GAREM1: variants seen among roughly 807,000 people sequenced by gnomAD.
GAREM1 encodes the protein GRB2-associated and regulator of MAPK protein 1.
GAREM1 carries 26 observed loss-of-function variants against 71.3 expected under a neutral mutation model. The ratio of observed to expected loss-of-function variants is 0.36; its 90% CI spans 0.27 to 0.51. The LOEUF is 0.51. Among genes scored for constraint, GAREM1 ranks in the 20% least tolerant of loss-of-function variants. The probability of loss-of-function intolerance (pLI) is 0.95; values close to 1 mark genes in which losing one functional copy is unlikely to be tolerated. For synonymous variants in GAREM1, 440 were observed against 433.2 expected (o/e 1.02, Z -0.20); for missense variants, 1,026 against 1,103.1 (o/e 0.93, Z 0.99).
At chr18:32,336,505 T>C (rs1315112975) in intron 2 of GAREM1, among the ~76,000 whole-genome samples, 3 of 152,066 alleles carry the variant, frequency 2.0e-5, no homozygotes, top group Non-Finnish European at 2.9e-5. Flanking sequence ...ACTGGTGCTC[T>C]ATAAGTACTT....
chr18:32,465,794 A>G (rs1489672546), intron 1 of GAREM1, among the ~76,000 whole-genome samples: 2 of 152,224 alleles, frequency 1.3e-5, no homozygotes, highest in Admixed American at 6.5e-5. Context: ...TTTAAAAATT[A>G]ATGGGCTTGG....
At chr18:32,384,939 C>T (rs1435914093) in intron 2 of GAREM1, among the ~76,000 whole-genome samples, 1 of 152,094 alleles carries the variant, frequency 6.6e-6, no homozygotes, top group African/African-American at 2.4e-5. Flanking sequence ...AACTATGTTA[C>T]AGCAGCTATG....
intron 2 of GAREM1, among the ~76,000 whole-genome samples, chr18:32,370,615 A>G (rs1308800353): frequency 2.6e-5 from 4 of 152,178 alleles, no homozygotes; most frequent in African/African-American, 7.2e-5. Flanking sequence ...GGTGCATAAA[A>G]CAAGAGAAGT....
intron 2 of GAREM1, among the ~76,000 whole-genome samples, chr18:32,369,924 T>C (rs1296904846): frequency 1.3e-5 from 2 of 152,206 alleles, no homozygotes; most frequent in Non-Finnish European, 2.9e-5. Context: ...CTTCATTTTC[T>C]TCAACTGTGA....
At chr18:32,317,080 T>C (rs1353391766) in intron 2 of GAREM1, among the ~76,000 whole-genome samples, 1 of 152,036 alleles carries the variant, frequency 6.6e-6, no homozygotes, top group East Asian at 1.9e-4. Flanking sequence ...GTGGAAAGTA[T>C]AGGTCAGGGC....
At chr18:32,368,653 A>T (rs11663076) in intron 2 of GAREM1, among the ~76,000 whole-genome samples, 22,082 of 152,180 alleles carry the variant, frequency 0.15, 2,467 homozygotes, top group African/African-American at 0.31. Flanking sequence ...ACCAAGTGGC[A>T]AAATTATTAA....
At chr18:32,375,680 T>A (rs182411516) in intron 2 of GAREM1, among the ~76,000 whole-genome samples, 1 of 152,168 alleles carries the variant, frequency 6.6e-6, no homozygotes, top group Non-Finnish European at 1.5e-5. Flanking sequence ...TCAAAGGAAG[T>A]TAAGAAGCAG....
chr18:32,354,576 CT>C (rs2047786534), intron 2 of GAREM1, among the ~76,000 whole-genome samples: 1 of 152,180 alleles, frequency 6.6e-6, no homozygotes, highest in Non-Finnish European at 1.5e-5. Flanking sequence ...TACAATCCCC[CT>C]CTCTAAAACT....
chr18:32,415,071 G>A (rs2048454866), intron 1 of GAREM1, among the ~76,000 whole-genome samples: 1 of 152,000 alleles, frequency 6.6e-6, no homozygotes, highest in Non-Finnish European at 1.5e-5. Context: ...TGGCTACTAT[G>A]AGCAACTTAT....
At chr18:32,296,333 T>C (rs1222612560) in intron 3 of GAREM1, among the ~76,000 whole-genome samples, 1 of 152,244 alleles carries the variant, frequency 6.6e-6, no homozygotes, top group Non-Finnish European at 1.5e-5. Context: ...CTGTATACTC[T>C]TTACCTAGCT....
chr18:32,410,661 T>G (rs188668400), intron 1 of GAREM1, among the ~76,000 whole-genome samples: 7 of 152,330 alleles, frequency 4.6e-5, no homozygotes, highest in African/African-American at 1.7e-4. Flanking sequence ...AAATAACTTC[T>G]TGAGCCTCAG....
chr18:32,376,728 C>T (rs1360854830), intron 2 of GAREM1, among the ~76,000 whole-genome samples: 3 of 152,152 alleles, frequency 2.0e-5, no homozygotes, highest in African/African-American at 7.2e-5. Flanking sequence ...ATCCCAGCTA[C>T]TTGGGAGGGT....
At chr18:32,378,057 T>TGTGTGTGTGTGTGTGTGC (rs1293817110) in intron 2 of GAREM1, among the ~76,000 whole-genome samples, 51 of 127,606 alleles carry the variant, frequency 4.0e-4, no homozygotes, top group African/African-American at 1.5e-3. Flanking sequence ...TGTGTGTGTG[T>TGTGTGTGTGTGTGTGTGC]GCGCGCGGGC....
chr18:32,414,345 AAGAG>A (rs1280678584), intron 1 of GAREM1, among the ~76,000 whole-genome samples: 1 of 152,106 alleles, frequency 6.6e-6, no homozygotes. Flanking sequence ...AGACCGAAGA[AAGAG>A]AGACAGTTGG....
chr18:32,363,991 T>TACATATATAC (rs1264680727), intron 2 of GAREM1, among the ~76,000 whole-genome samples: 1 of 50,176 alleles, frequency 2.0e-5, no homozygotes, highest in African/African-American at 9.7e-5. Context: ...TAAATACATA[T>TACATATATAC]ATACATATAT....
Position 32,287,508 on chromosome 18 carries a change from A to T in GAREM1, c.1089T>A (p.Ser363=). ...GCGAATTGGGCACGTGGTTGTGGCC[A>T]GAGCACCGACCCTTCTTGGGGCTCT... ...ECKSPKKGRC[S]GHNHVPNSLS... is the part of the protein sequence containing the mutation. The change falls in exon 4 of 6, where the codon TCT becomes TCA. Residue 363 remains serine, a synonymous_variant. Coordinates refer to ENST00000269209, the MANE Select transcript of GAREM1 (RefSeq NM_001242409.2). This position sits in a 1 kb window ranked among gnomAD's most constrained non-coding sequence, Gnocchi z 5.9. 6.2e-7 allele frequency: 1 copy of T among 1,614,234 alleles called. No homozygotes were observed. Among genetic ancestry groups the T allele is most frequent in the Non-Finnish European group, 8.5e-7 (1 of 1,180,030 alleles).
intron 3 of GAREM1, among the ~76,000 whole-genome samples, chr18:32,290,087 ATAT>A (rs1479567295): frequency 6.6e-6 from 1 of 151,680 alleles, no homozygotes; most frequent in African/African-American, 2.4e-5. Context: ...CTGTATACTA[ATAT>A]TATATACTTT....
chr18:32,402,637 C>T lies in GAREM1; in HGVS notation c.122-9602G>A, dbSNP rs1196972064. ...ACCCTTAGCCTGTTCCCCCTGTCTCCTCTACAATCTTATATATTTCTCAAG... is the reference window on the plus strand; with the variant it reads ...ACCCTTAGCCTGTTCCCCCTGTCTCTTCTACAATCTTATATATTTCTCAAG... On this transcript the variant is annotated intron_variant, in intron 1 of 5. Coordinates refer to ENST00000269209, the MANE Select transcript of GAREM1 (RefSeq NM_001242409.2). Among the ~76,000 whole-genome samples, 3 of 152,120 alleles carry T rather than the reference C, an allele frequency of 2.0e-5. No individual in the cohort carries two copies. In the East Asian group the frequency reaches 5.8e-4, roughly 29 times the overall value.
chr18:32,371,327 A>C lies in GAREM1; in HGVS notation c.262+21568T>G, dbSNP rs569510386. Among the ~76,000 whole-genome samples, 5 of 152,300 alleles carry C rather than the reference A, an allele frequency of 3.3e-5. No individual in the cohort carries two copies. In the East Asian group the frequency reaches 9.6e-4, roughly 29 times the overall value. ...AGTTAGAGGTGGATAGATTTTAAATACTGTGTTTTTAAATACCGAGGATTT... is the reference window on the plus strand; with the variant it reads ...AGTTAGAGGTGGATAGATTTTAAATCCTGTGTTTTTAAATACCGAGGATTT... On this transcript the variant is annotated intron_variant, in intron 2 of 5. Coordinates refer to ENST00000269209, the MANE Select transcript of GAREM1 (RefSeq NM_001242409.2).
Sources: allele counts gnomAD v4.1 joint callset (sites outside exome capture counted in the v4.1 genomes callset), GRCh38; gene constraint gnomAD v4.1.1; non-coding constraint Gnocchi (gnomAD v3.1); transcripts MANE v1.5; gene names NCBI Gene and HGNC (gene_info 2026-07-23, HGNC 2026-07-21).